The following TBCC variants were observed in gnomAD, a reference collection of about 807,000 sequenced individuals.
TBCC encodes tubulin-specific chaperone C.
A neutral mutation model predicts 25.3 loss-of-function variants in TBCC; 25 were observed. The observed-to-expected ratio is 0.99, with a 90% CI of 0.72 to 1.38. The LOEUF (loss-of-function observed/expected upper bound fraction) is 1.38. Among genes scored for constraint, TBCC ranks in the 40% most tolerant of loss-of-function variants. The pLI is 0.00. For missense variants in TBCC, 507 were observed against 447.2 expected (o/e 1.13, Z -1.21); for synonymous variants, 226 against 192.8 (o/e 1.17, Z -1.43).
Position 42,745,067 on chromosome 6 carries a change from A to G in TBCC, c.1007T>C (p.Leu336Pro). Residue 336 changes from leucine (L) to proline (P), a missense_variant, in exon 1 of 1, where the codon CTT becomes CCT. By Grantham distance (98) the Leu-to-Pro change is moderately conservative (BLOSUM62 -3). Coordinates refer to ENST00000372876, the MANE Select transcript of TBCC (RefSeq NM_003192.3). This position sits in a 1 kb window ranked among gnomAD's most constrained non-coding sequence, Gnocchi z 4.2. ...RDMASPNWSI[L>P]PEEERNIQWD ...CTGGATATTTCGCTCCTCTTCAGGAAGAATACTCCAGTTTGGGGAGGCCAT... is the reference window on the plus strand; with the variant it reads ...CTGGATATTTCGCTCCTCTTCAGGAGGAATACTCCAGTTTGGGGAGGCCAT... 6.2e-7 allele frequency: 1 copy of G among 1,614,196 alleles called. No homozygotes were observed. The highest frequency in any genetic ancestry group is 8.5e-7 in the Non-Finnish European group (1 of 1,180,026).
At position 42,745,658 on chromosome 6, in the gene TBCC, A is replaced by T. The variant is rs768551856; in HGVS notation, c.416T>A (p.Phe139Tyr). 1.4e-5 allele frequency: 23 copies of T among 1,611,918 alleles called. No individual in the cohort carries two copies. Among genetic ancestry groups the T allele is most frequent in the Admixed American group, 3.3e-5 (2 of 59,760 alleles). Residue 139 changes from phenylalanine (F) to tyrosine (Y), a missense_variant, in exon 1 of 1, where the codon TTC becomes TAC. Physicochemically the swap from Phe to Tyr is conservative, Grantham distance 22. Transcript: ENST00000372876. The surrounding 1 kb of genome is among the most constrained non-coding windows in gnomAD (Gnocchi z 4.2). ...AGCAGCATCCTTTCCCCGGGTCTTGAAAGCGAAACGCTTCTTGGGCTGCAG... is the reference window on the plus strand; with the variant it reads ...AGCAGCATCCTTTCCCCGGGTCTTGTAAGCGAAACGCTTCTTGGGCTGCAG... ...RGLQPKKRFA[F>Y]KTRGKDAASS...
chr6:42,745,509 G>C lies in TBCC; in HGVS notation c.565C>G (p.Leu189Val). ...GPSWVCGFSN[L>V]ESQVLEKRAS... ...CTCTTCTCCAAGACTTGGGACTCCA[G>C]GTTGGAGAAACCGCAGACCCAGCTG... Residue 189 changes from leucine to valine, a missense_variant, in exon 1 of 1, where the codon CTG becomes GTG. By Grantham distance (32) the Leu-to-Val change is conservative. Transcript: ENST00000372876. The surrounding 1 kb of genome is among the most constrained non-coding windows in gnomAD (Gnocchi z 4.2). 1 of 1,611,442 alleles carries C rather than the reference G, an allele frequency of 6.2e-7. No homozygotes were observed. Among genetic ancestry groups the C allele is most frequent in the South Asian group, 1.1e-5 (1 of 90,658 alleles).
Position 42,745,376 on chromosome 6 carries a change from C to G in TBCC, c.698G>C (p.Cys233Ser). 1 of 1,614,260 alleles carries G rather than the reference C, an allele frequency of 6.2e-7. No homozygotes were observed. Among genetic ancestry groups the G allele is most frequent in the South Asian group, 1.1e-5 (1 of 91,088 alleles). The change falls in exon 1 of 1, where the codon TGC (cysteine) becomes TCC (serine). Residue 233 changes from cysteine (C) to serine (S), a missense_variant. By Grantham distance (112) the Cys-to-Ser change is moderately radical (BLOSUM62 -1). Transcript: ENST00000372876. This position sits in a 1 kb window ranked among gnomAD's most constrained non-coding sequence, Gnocchi z 4.2. ...AGACACCGGACCGCAGAGCAGCTTG[C>G]AGCTGTGGGCCTTGGTTAGCCGCAG... is the stretch of plus-strand genomic sequence containing the variant. ...NTLRLTKAHS[C>S]KLLCGPVSTS...
Position 42,745,049 on chromosome 6 carries a change from T to C in TBCC, c.1025A>G (p.Asn342Ser), listed in dbSNP as rs757129310. 29 of 1,613,948 alleles carry C rather than the reference T, an allele frequency of 1.8e-5. No individual in the cohort carries two copies. The Admixed American group carries it at 3.0e-4, about 17-fold the overall frequency. ...GACAACTGCTTAGTCCCACTGGATATTTCGCTCCTCTTCAGGAAGAATACT... is the reference window on the plus strand; with the variant it reads ...GACAACTGCTTAGTCCCACTGGATACTTCGCTCCTCTTCAGGAAGAATACT... ...NWSILPEEER[N>S]IQWD The change falls in exon 1 of 1, where the codon AAT becomes AGT. Residue 342 changes from asparagine (N) to serine (S), a missense_variant. Coordinates refer to ENST00000372876, the MANE Select transcript of TBCC (RefSeq NM_003192.3). The surrounding 1 kb of genome is among the most constrained non-coding windows in gnomAD (Gnocchi z 4.2).
At position 42,745,266 on chromosome 6, in the gene TBCC, G is replaced by A. The variant is rs1340129351; in HGVS notation, c.808C>T (p.Arg270Cys). Residue 270 changes from arginine (R) to cysteine (C), a missense_variant, in exon 1 of 1, where the codon CGC becomes TGC. By Grantham distance (180) the Arg-to-Cys change is radical. Coordinates refer to ENST00000372876, the MANE Select transcript of TBCC (RefSeq NM_003192.3). This position sits in a 1 kb window ranked among gnomAD's most constrained non-coding sequence, Gnocchi z 4.2. ...QLRIHSTKDT[R>C]IFLQVTSRAI... ...CTGCTGGTCACCTGCAGGAAGATGC[G>A]GGTGTCTTTCGTACTGTGTATGCGG... The A allele has an allele frequency of 1.2e-6, 2 of 1,614,112 alleles. No individual in the cohort carries two copies. The highest frequency in any genetic ancestry group is 1.3e-5 in the African/African-American group (1 of 74,922).
Position 42,745,481 on chromosome 6 carries a change from GCT to G in TBCC, c.591_592del (p.Arg197SerfsTer54). The G allele has an allele frequency of 6.2e-7, 1 of 1,612,734 alleles. No individual in the cohort carries two copies. The highest frequency in any genetic ancestry group is 8.5e-7 in the Non-Finnish European group (1 of 1,179,416). On this transcript the variant is annotated frameshift_variant, in exon 1 of 1. Coordinates refer to ENST00000372876, the MANE Select transcript of TBCC (RefSeq NM_003192.3). LOFTEE classifies it high-confidence loss of function. The surrounding 1 kb of genome is among the most constrained non-coding windows in gnomAD (Gnocchi z 4.2). ...AACGTCGCGCTGGTGCAACTCGCTG[GCT>G]CTCTTCTCCAAGACTTGGGACTCCA...
chr6:42,745,348 G>T lies in TBCC; in HGVS notation c.726C>A (p.Thr242=). ...SCKLLCGPVS[T]SVFLEDCSDC... The stretch of plus-strand genomic sequence containing the variant: ...CACTGCAGTCCTCCAGGAAAACAGA[G>T]GTAGACACCGGACCGCAGAGCAGCT... The change falls in exon 1 of 1, where the codon ACC becomes ACA. Residue 242 remains threonine (T), a synonymous_variant. Coordinates refer to ENST00000372876, the MANE Select transcript of TBCC (RefSeq NM_003192.3). This position sits in a 1 kb window ranked among gnomAD's most constrained non-coding sequence, Gnocchi z 4.2. 6.2e-7 allele frequency: 1 copy of T among 1,614,236 alleles called. No individual in the cohort carries two copies. The highest frequency in any genetic ancestry group is 8.5e-7 in the Non-Finnish European group (1 of 1,180,038).
Position 42,746,053 on chromosome 6 carries a change from G to C in TBCC, c.21C>G (p.Ser7=), listed in dbSNP as rs753333884. ...TGTCTCCGGTCCTGACAGCAGCAGC[G>C]GAGCAACTGACGGACTCCATATTGG... MESVSC[S]AAAVRTGDME... is the part of the protein sequence containing the mutation. Residue 7 remains serine (S), a synonymous_variant, in exon 1 of 1, where the codon TCC becomes TCG. Coordinates refer to ENST00000372876, the MANE Select transcript of TBCC (RefSeq NM_003192.3). The C allele has an allele frequency of 6.2e-7, 1 of 1,613,250 alleles. No individual in the cohort carries two copies. The highest frequency in any genetic ancestry group is 1.3e-5 in the African/African-American group (1 of 74,888).
Position 42,745,760 on chromosome 6 carries a change from A to G in TBCC, c.314T>C (p.Leu105Pro), listed in dbSNP as rs1275714549. 1 of 1,613,954 alleles carries G rather than the reference A, an allele frequency of 6.2e-7. No individual in the cohort carries two copies. The highest frequency in any genetic ancestry group is 8.5e-7 in the Non-Finnish European group (1 of 1,180,004). ...TCCCTGCCGCAGGTCGTAAGCGGCT[A>G]GGAAAAAAACTGAGTCGTTGATTAG... ...QKLINDSVFF[L>P]AAYDLRQGQE... Residue 105 changes from leucine to proline, a missense_variant, in exon 1 of 1, where the codon CTA becomes CCA. Physicochemically the swap from Leu to Pro is moderately conservative, Grantham distance 98. Coordinates refer to ENST00000372876, the MANE Select transcript of TBCC (RefSeq NM_003192.3). The surrounding 1 kb of genome is among the most constrained non-coding windows in gnomAD (Gnocchi z 4.2).
Position 42,745,802 on chromosome 6 carries a change from A to G in TBCC, c.272T>C (p.Leu91Pro), listed in dbSNP as rs1762257148. The G allele has an allele frequency of 1.2e-6, 2 of 1,613,104 alleles. No homozygotes were observed. Among genetic ancestry groups the G allele is most frequent in the Non-Finnish European group, 1.7e-6 (2 of 1,180,040 alleles). Reference sequence around the variant, plus strand: ...GTTGATTAGTTTCTGCAGCCCCTGGAGCCGAGAGGCCGCCTCCTCCAGCCG... The same window carrying G: ...GTTGATTAGTTTCTGCAGCCCCTGGGGCCGAGAGGCCGCCTCCTCCAGCCG... ...VERLEEAASR[L>P]QGLQKLINDS... The change falls in exon 1 of 1, where the codon CTC (leucine) becomes CCC (proline). Residue 91 changes from leucine (L) to proline (P), a missense_variant. By Grantham distance (98) the Leu-to-Pro change is moderately conservative. Coordinates refer to ENST00000372876, the MANE Select transcript of TBCC (RefSeq NM_003192.3). The surrounding 1 kb of genome is among the most constrained non-coding windows in gnomAD (Gnocchi z 4.2).
At position 42,745,510 on chromosome 6, in the gene TBCC, G is replaced by A. The variant is rs1301595981; in HGVS notation, c.564C>T (p.Asn188=). The change falls in exon 1 of 1, where the codon AAC becomes AAT. Residue 188 remains asparagine (N), a synonymous_variant. Transcript: ENST00000372876. The surrounding 1 kb of genome is among the most constrained non-coding windows in gnomAD (Gnocchi z 4.2). ...TCTTCTCCAAGACTTGGGACTCCAG[G>A]TTGGAGAAACCGCAGACCCAGCTGG... ...LGPSWVCGFS[N]LESQVLEKRA... 6 of 1,611,454 alleles carry A rather than the reference G, an allele frequency of 3.7e-6. No homozygotes were observed. Among genetic ancestry groups the A allele is most frequent in the Non-Finnish European group, 5.1e-6 (6 of 1,178,922 alleles).
Position 42,745,803 on chromosome 6 carries a change from G to A in TBCC, c.271C>T (p.Leu91Phe). ...VERLEEAASR[L>F]QGLQKLINDS... ...TTGATTAGTTTCTGCAGCCCCTGGA[G>A]CCGAGAGGCCGCCTCCTCCAGCCGC... Residue 91 changes from leucine to phenylalanine, a missense_variant, in exon 1 of 1, where the codon CTC becomes TTC. Physicochemically the swap from Leu to Phe is conservative, Grantham distance 22. Coordinates refer to ENST00000372876, the MANE Select transcript of TBCC (RefSeq NM_003192.3). This position sits in a 1 kb window ranked among gnomAD's most constrained non-coding sequence, Gnocchi z 4.2. The A allele has an allele frequency of 1.2e-6, 2 of 1,613,174 alleles. No homozygotes were observed. The highest frequency in any genetic ancestry group is 2.2e-5 in the South Asian group (2 of 91,090).
In TBCC at chr6:42,745,072, A is replaced by G. The variant is rs1162100766; in HGVS notation, c.1002T>C (p.Ser334=). ...TATTTCGCTCCTCTTCAGGAAGAAT[A>G]CTCCAGTTTGGGGAGGCCATATCCC... The part of the protein sequence containing the change: ...LARDMASPNW[S]ILPEEERNIQ... The change falls in exon 1 of 1, where the codon AGT becomes AGC. Residue 334 remains serine (S), a synonymous_variant. Coordinates refer to ENST00000372876, the MANE Select transcript of TBCC (RefSeq NM_003192.3). This position sits in a 1 kb window ranked among gnomAD's most constrained non-coding sequence, Gnocchi z 4.2. The G allele has an allele frequency of 6.2e-7, 1 of 1,614,090 alleles. No individual in the cohort carries two copies. Among genetic ancestry groups the G allele is most frequent in the South Asian group, 1.1e-5 (1 of 91,076 alleles).
chr6:42,746,056 G>A lies in TBCC; in HGVS notation c.18C>T (p.Cys6=), dbSNP rs1415082784. Residue 6 remains cysteine (C), a synonymous_variant, in exon 1 of 1, where the codon TGC becomes TGT. Coordinates refer to ENST00000372876, the MANE Select transcript of TBCC (RefSeq NM_003192.3). ...CTCCGGTCCTGACAGCAGCAGCGGA[G>A]CAACTGACGGACTCCATATTGGCTT... is the stretch of plus-strand genomic sequence containing the variant. MESVS[C]SAAAVRTGDM... 11 of 1,613,252 alleles carry A rather than the reference G, an allele frequency of 6.8e-6. No homozygotes were observed. The highest frequency in any genetic ancestry group is 3.3e-5 in the Admixed American group (2 of 59,948).
chr6:42,745,617 C>A lies in TBCC; in HGVS notation c.457G>T (p.Asp153Tyr). The A allele has an allele frequency of 6.2e-7, 1 of 1,612,272 alleles. No individual in the cohort carries two copies. Among genetic ancestry groups the A allele is most frequent in the Non-Finnish European group, 8.5e-7 (1 of 1,178,768 alleles). ...GCCGGGGGGATGCCAGGAGCCGCGT[C>A]TACTTTGGTAGACGAAGCAGCATCC... ...GKDAASSTKV[D>Y]AAPGIPPAVE... Residue 153 changes from aspartate to tyrosine, a missense_variant, in exon 1 of 1, where the codon GAC (aspartate) becomes TAC (tyrosine). Physicochemically the swap from Asp to Tyr is radical, Grantham distance 160. Transcript: ENST00000372876. This position sits in a 1 kb window ranked among gnomAD's most constrained non-coding sequence, Gnocchi z 4.2.
At position 42,744,917 on chromosome 6, in the gene TBCC, C is replaced by A. The variant is rs1762230571; in HGVS notation, c.*116G>T. 6 of 975,482 alleles carry A rather than the reference C, an allele frequency of 6.2e-6. No homozygotes were observed. Among genetic ancestry groups the A allele is most frequent in the Admixed American group, 2.7e-5 (1 of 36,422 alleles). The allele number at this position is 975,482 out of a possible 1,614,324, so 60.4% of individuals were successfully genotyped here. ...AGTAGGAGCCCATTACAATCTCTAG[C>A]CTTAAAATGCTGAAAACATACACAG... On this transcript the variant is annotated 3_prime_UTR_variant, in exon 1 of 1. Coordinates refer to ENST00000372876, the MANE Select transcript of TBCC (RefSeq NM_003192.3).
rs1170409173 is a variant in TBCC at position 42,746,048 on chromosome 6, GCAGCGGAGCAACTGACGGA to G, written c.7_25del (p.Ser3LeufsTer14). 6.2e-7 allele frequency: 1 copy of G among 1,613,534 alleles called. No individual in the cohort carries two copies. The highest frequency in any genetic ancestry group is 1.7e-5 in the Admixed American group (1 of 59,984). On this transcript the variant is annotated frameshift_variant, in exon 1 of 1. Transcript: ENST00000372876. LOFTEE classifies it high-confidence loss of function. Reference sequence around the variant, plus strand: ...CTCCATGTCTCCGGTCCTGACAGCAGCAGCGGAGCAACTGACGGACTCCATATTGGCTTCAAGCTTCCTC... The same window carrying G: ...CTCCATGTCTCCGGTCCTGACAGCAGCTCCATATTGGCTTCAAGCTTCCTC...
Position 42,745,234 on chromosome 6 carries a change from G to C in TBCC, c.840C>G (p.Ile280Met), listed in dbSNP as rs758008012. The C allele has an allele frequency of 2.5e-6, 4 of 1,614,208 alleles. No individual in the cohort carries two copies. Among genetic ancestry groups the C allele is most frequent in the Non-Finnish European group, 3.4e-6 (4 of 1,180,042 alleles). The change falls in exon 1 of 1, where the codon ATC (isoleucine) becomes ATG (methionine). Residue 280 changes from isoleucine (I) to methionine (M), a missense_variant. By Grantham distance (10) the Ile-to-Met change is conservative (BLOSUM62 1). Transcript: ENST00000372876. The surrounding 1 kb of genome is among the most constrained non-coding windows in gnomAD (Gnocchi z 4.2). ...RIFLQVTSRA[I>M]VEDCSGIQFA... is the part of the protein sequence containing the mutation. Reference sequence around the variant, plus strand: ...ACTGGATCCCACTGCAGTCCTCCACGATGGCCCTGCTGGTCACCTGCAGGA... The same window carrying C: ...ACTGGATCCCACTGCAGTCCTCCACCATGGCCCTGCTGGTCACCTGCAGGA...
rs1455802016 is a variant in TBCC, at chr6:42,744,954, G to A, written c.*79C>T. On this transcript the variant is annotated 3_prime_UTR_variant, in exon 1 of 1. Coordinates refer to ENST00000372876, the MANE Select transcript of TBCC (RefSeq NM_003192.3). ...GAAAACATACACAGTGTGACAATAA[G>A]TAAACTTCGAGACCCAATAAGGGGG... is the stretch of plus-strand genomic sequence containing the variant. 9.6e-6 allele frequency: 13 copies of A among 1,359,948 alleles called. No individual in the cohort carries two copies. The African/African-American group carries it at 1.9e-4, about 20-fold the overall frequency. The allele number at this position is 1,359,948 out of a possible 1,614,324, so 84.2% of individuals were successfully genotyped here. A position where few individuals can be genotyped will look rare whatever the true frequency, so the allele number is the denominator to read the frequency against.
Sources: gnomAD v4.1 joint callset for allele counts on GRCh38, gnomAD v4.1.1 for gene constraint, Gnocchi (gnomAD v3.1) non-coding constraint, MANE v1.5 for transcripts, NCBI Gene and HGNC (gene_info 2026-07-23, HGNC 2026-07-21) for gene names.